Variants in ZPBP observed in about 807,000 individuals in gnomAD.
ZPBP encodes the protein zona pellucida-binding protein 1.
ZPBP carries 26 observed loss-of-function variants against 44.8 expected under a neutral mutation model. The observed-to-expected ratio is 0.58, with a 90% CI of 0.43 to 0.81. The LOEUF (loss-of-function observed/expected upper bound fraction) is 0.81. Among genes scored for constraint, ZPBP ranks in the 30% least tolerant of loss-of-function variants. The probability of loss-of-function intolerance (pLI) is 0.00; values close to 1 mark genes in which losing one functional copy is unlikely to be tolerated. For missense variants in ZPBP, 409 were observed against 434.0 expected, an observed-to-expected ratio of 0.94 and a Z score of 0.51; for synonymous variants, 174 against 153.2, an observed-to-expected ratio of 1.14 and a Z score of -1.00.
At chr7:49,878,858 C>T (rs977998118) in intron 2 of ZPBP, among the ~76,000 whole-genome samples, 2 of 152,154 alleles carry the variant, frequency 1.3e-5, no homozygotes, top group African/African-American at 4.8e-5. Flanking sequence ...CCAGGCGTGG[C>T]TTTTTCCTGC....
chr7:49,892,137 C>T (rs887704219), intron 2 of ZPBP, among the ~76,000 whole-genome samples: 48 of 142,482 alleles, frequency 3.4e-4, no homozygotes, highest in African/African-American at 1.1e-3. Context: ...CTCCGCCTCC[C>T]GGGTTCACGC....
intron 2 of ZPBP, among the ~76,000 whole-genome samples, chr7:49,883,797 G>A (rs1292348406): frequency 6.6e-6 from 1 of 152,182 alleles, no homozygotes; most frequent in Non-Finnish European, 1.5e-5. Flanking sequence ...CCAAGTATCA[G>A]TTAAAATCAA....
At chr7:50,068,556 T>C (rs778713238) in intron 3 of ZPBP, among the ~76,000 whole-genome samples, 1 of 152,164 alleles carries the variant, frequency 6.6e-6, no homozygotes, top group African/African-American at 2.4e-5. Flanking sequence ...ACTAGCTTTT[T>C]CCACGACTGC....
At chr7:49,843,470 T>A in the ZPBP span, among the ~76,000 whole-genome samples, 2 of 152,228 alleles carry the variant, frequency 1.3e-5, no homozygotes, top group African/African-American at 2.4e-5. Context: ...CTACCATTAA[T>A]GAGTTTGGAC....
chr7:49,982,151 T>A (rs1375461373), intron 7 of ZPBP, among the ~76,000 whole-genome samples: 1 of 79,368 alleles, frequency 1.3e-5, no homozygotes, highest in Non-Finnish European at 2.2e-5. Context: ...ATAAAATATA[T>A]AATATATAAT....
chr7:49,947,697 A>T (rs1464686552), intron 7 of ZPBP, among the ~76,000 whole-genome samples: 4 of 152,232 alleles, frequency 2.6e-5, no homozygotes, highest in Admixed American at 2.6e-4. Flanking sequence ...CAAGGCTCAT[A>T]GTCACCACTG....
At chr7:49,891,732 C>T (rs1308183631) in intron 2 of ZPBP, among the ~76,000 whole-genome samples, 1 of 152,206 alleles carries the variant, frequency 6.6e-6, no homozygotes, top group Non-Finnish European at 1.5e-5. Flanking sequence ...GCTGAAAGTA[C>T]ACATGCCCTG....
intron 2 of ZPBP, among the ~76,000 whole-genome samples, chr7:49,869,234 T>C (rs947248843): frequency 6.6e-6 from 1 of 152,154 alleles, no homozygotes; most frequent in Non-Finnish European, 1.5e-5. Context: ...TATAATTCCA[T>C]GAGATAATTG....
Position 49,867,845 on chromosome 7 carries a change from A to AT in ZPBP, n.510-17332dup, listed in dbSNP as rs11448329. On this transcript the variant is annotated intron_variant and non_coding_transcript_variant, in intron 2 of 2. Coordinates refer to the ZPBP transcript ENST00000465922. ...ATTTTTTATTTTATTATTTTATTTT[A>AT]TTTTTTGAGGTGGAGTCTTGCCCTG... Among the ~76,000 whole-genome samples the AT allele has an allele frequency of 1.3e-3, 160 of 127,368 alleles. 1 individual carries two copies. Among genetic ancestry groups the AT allele is most frequent in the Non-Finnish European group, 1.7e-3 (96 of 56,382 alleles). 83.6% of individuals were successfully genotyped at this position (127,368 alleles called of 152,430 possible). A position where few individuals can be genotyped will look rare whatever the true frequency, so the allele number is the denominator to read the frequency against.
chr7:50,011,548 T>C (rs1798584065), intron 6 of ZPBP, among the ~76,000 whole-genome samples: 2 of 152,152 alleles, frequency 1.3e-5, no homozygotes, highest in Non-Finnish European at 2.9e-5. Context: ...TTATAAAACA[T>C]TACACCCAAC....
chr7:49,932,818 G>T (rs1794492123), downstream of ZPBP, among the ~76,000 whole-genome samples: 1 of 152,130 alleles, frequency 6.6e-6, no homozygotes, highest in African/African-American at 2.4e-5. Flanking sequence ...ATTGAATCAT[G>T]GAAGCAGTTT....
chr7:49,877,481 A>AAAAATATATACATATATATATAT, intron 2 of ZPBP, among the ~76,000 whole-genome samples: 1 of 12,722 alleles, frequency 7.9e-5, no homozygotes, highest in African/African-American at 2.8e-4. Flanking sequence ...AAAAAAAAAA[A>AAAAATATATACATATATATATAT]ATATATATAT....
chr7:49,984,838 T>C (rs542102291), intron 6 of ZPBP, among the ~76,000 whole-genome samples: 126 of 152,318 alleles, frequency 8.3e-4, no homozygotes, highest in African/African-American at 3.0e-3. Context: ...ATTTTATATA[T>C]ATGCAAATAC....
rs371165336 is a variant in ZPBP at position 50,080,731 on chromosome 7, C to T, written c.334+1043G>A. On this transcript the variant is annotated intron_variant, in intron 3 of 7. Coordinates refer to ENST00000046087, the MANE Select transcript of ZPBP (RefSeq NM_007009.3). ...GTATTTCCACTACTGGGTGCTTTTACGCCTGGATCACTTCTCTGATTATAT... is the reference window on the plus strand; with the variant it reads ...GTATTTCCACTACTGGGTGCTTTTATGCCTGGATCACTTCTCTGATTATAT... 2.4e-4 allele frequency among the ~76,000 whole-genome samples: 36 copies of T among 151,844 alleles called. No individual in the cohort carries two copies. In the East Asian group the frequency reaches 3.1e-3, roughly 13 times the overall value.
At chr7:49,982,301 ATATATAAT>A (rs1797049983) in intron 7 of ZPBP, among the ~76,000 whole-genome samples, 6 of 17,464 alleles carry the variant, frequency 3.4e-4, no homozygotes, top group African/African-American at 5.3e-4. Context: ...AATATATATA[ATATATAAT>A]TATATAATAT....
chr7:49,955,591 T>A (rs1049819870), intron 7 of ZPBP, among the ~76,000 whole-genome samples: 1 of 151,980 alleles, frequency 6.6e-6, no homozygotes, highest in Non-Finnish European at 1.5e-5. Context: ...GCACATTAAT[T>A]TTCAGATAAG....
At chr7:49,923,537 A>T (rs1794110623) in intron 1 of ZPBP, among the ~76,000 whole-genome samples, 1 of 152,202 alleles carries the variant, frequency 6.6e-6, no homozygotes, top group African/African-American at 2.4e-5. Flanking sequence ...ATTTTTATAG[A>T]CAATGTATTA....
At chr7:49,928,612 G>A (rs1331985404) in intron 1 of ZPBP, among the ~76,000 whole-genome samples, 1 of 152,204 alleles carries the variant, frequency 6.6e-6, no homozygotes, top group African/African-American at 2.4e-5. Flanking sequence ...GAGGTCACAG[G>A]TGCAGGCTGA....
At chr7:49,984,802 T>TC (rs1310311605) in intron 6 of ZPBP, among the ~76,000 whole-genome samples, 1 of 152,206 alleles carries the variant, frequency 6.6e-6, no homozygotes, top group African/African-American at 2.4e-5. Flanking sequence ...TCTATTTAGA[T>TC]TTGGGTTCCA....
Sources: gnomAD v4.1 joint callset for allele counts (sites outside exome capture counted in the v4.1 genomes callset) on GRCh38, gnomAD v4.1.1 for gene constraint, MANE v1.5 for transcripts, NCBI Gene and HGNC (gene_info 2026-07-23, HGNC 2026-07-21) for gene names.